The following MELK variants were observed in gnomAD, a reference collection of about 807,000 sequenced individuals.
MELK encodes maternal embryonic leucine zipper kinase.
MELK carries 81 observed loss-of-function variants against 85.0 expected under a neutral mutation model. The ratio of observed to expected loss-of-function variants is 0.95; its 90% CI spans 0.80 to 1.15. The LOEUF (loss-of-function observed/expected upper bound fraction) is 1.15, where lower values mean the gene tolerates loss of function less well. Among genes scored for constraint, MELK ranks in the 50% most tolerant of loss-of-function variants. The pLI, the probability that MELK is intolerant of heterozygous loss-of-function variation, is 0.00. For missense variants in MELK, 754 were observed against 777.5 expected (o/e 0.97, Z 0.36); for synonymous variants, 252 against 265.0 (o/e 0.95, Z 0.48).
At chr9:36,640,141 G>A (rs1829626751) in intron 10 of MELK, among the ~76,000 whole-genome samples, 1 of 152,222 alleles carries the variant, frequency 6.6e-6, no homozygotes, top group Non-Finnish European at 1.5e-5. Flanking sequence ...AGTCAATAAT[G>A]CAAGGCTCTC....
rs574216292 is a variant in MELK, at chr9:36,581,511, T to C, written c.-38-133T>C. The C allele has an allele frequency of 4.2e-5, 22 of 518,270 alleles. No individual in the cohort carries two copies. The East Asian group carries it at 6.7e-4, about 16-fold the overall frequency. The allele number at this position is 518,270 out of a possible 1,614,324, so 32.1% of individuals were successfully genotyped here. A position where few individuals can be genotyped will look rare whatever the true frequency, so the allele number is the denominator to read the frequency against. On this transcript the variant is annotated intron_variant, in intron 1 of 17. Transcript: ENST00000298048. ...TATGGTGTGAGATAAGAATCCTTTT[T>C]TTCATATGGCCAATAATCAGTTTTT... is the stretch of plus-strand genomic sequence containing the variant.
chr9:36,584,038 C>T (rs2135091628), intron 3 of MELK, among the ~76,000 whole-genome samples: 1 of 152,208 alleles, frequency 6.6e-6, no homozygotes, highest in African/African-American at 2.4e-5. Flanking sequence ...CGGAGTCTCG[C>T]TCTGTCGCCC....
At chr9:36,630,948 C>T (rs1261117986) in intron 9 of MELK, among the ~76,000 whole-genome samples, 1 of 149,456 alleles carries the variant, frequency 6.7e-6, no homozygotes, top group Non-Finnish European at 1.5e-5. Flanking sequence ...GCCTCTACAC[C>T]TGGCCCCAGC....
chr9:36,645,256 C>CAAA (rs398046556), intron 11 of MELK, among the ~76,000 whole-genome samples: 16 of 60,738 alleles, frequency 2.6e-4, no homozygotes, highest in Admixed American at 6.9e-4. Flanking sequence ...GACTCCGTCT[C>CAAA]AAAAAAAAAA....
intron 8 of MELK, among the ~76,000 whole-genome samples, chr9:36,614,679 C>T (rs1826399846): frequency 9.1e-6 from 1 of 110,298 alleles, no homozygotes; most frequent in Non-Finnish European, 1.8e-5. Context: ...TTTAACAAAG[C>T]ACATCTTGCA....
intron 2 of MELK, 130 bp from the exon 3 acceptor site, chr9:36,583,496 GC>G (rs1179573419): frequency 2.2e-6 from 1 of 447,370 alleles, no homozygotes; most frequent in East Asian, 3.4e-5. Context: ...ATAACAAGCA[GC>G]AACAGGAAAA....
chr9:36,656,754 A>G (rs772423008), intron 12 of MELK, among the ~76,000 whole-genome samples: 1 of 152,006 alleles, frequency 6.6e-6, no homozygotes, highest in Non-Finnish European at 1.5e-5. Flanking sequence ...AAGCCTCCCA[A>G]GTACCTGGGC....
At chr9:36,668,413 G>A (rs1297454458) in intron 14 of MELK, among the ~76,000 whole-genome samples, 14 of 152,092 alleles carry the variant, frequency 9.2e-5, no homozygotes, top group African/African-American at 2.4e-4. Context: ...AACCAGATTC[G>A]TTAGTACAAA....
chr9:36,677,106 C>A, intron 17 of MELK, 54 bp from the exon 18 acceptor site: 1 of 1,515,862 alleles, frequency 6.6e-7, no homozygotes, highest in Non-Finnish European at 9.0e-7. Context: ...TTAGAAAACT[C>A]TTATACAGAA....
chr9:36,652,655 G>A (rs1047047215), intron 12 of MELK, among the ~76,000 whole-genome samples: 182 of 148,986 alleles, frequency 1.2e-3, no homozygotes, highest in African/African-American at 1.9e-3. Context: ...GCTTGAACCC[G>A]AGAGGCGGAG....
chr9:36,633,857 A>C (rs2151643), intron 10 of MELK, among the ~76,000 whole-genome samples: 19 of 152,204 alleles, frequency 1.2e-4, no homozygotes, highest in African/African-American at 4.3e-4. Context: ...AAGGAATAAA[A>C]TGCAGCCTCA....
intron 8 of MELK, among the ~76,000 whole-genome samples, chr9:36,629,566 A>G (rs1828310265): frequency 6.6e-6 from 1 of 152,214 alleles, no homozygotes; most frequent in South Asian, 2.1e-4. Context: ...GTTTTTAACC[A>G]TAGCCTATGT....
chr9:36,625,269 C>A (rs1367244747), intron 8 of MELK, among the ~76,000 whole-genome samples: 1 of 152,174 alleles, frequency 6.6e-6, no homozygotes, highest in African/African-American at 2.4e-5. Context: ...CTGATCTCCA[C>A]TCTCTATGGG....
chr9:36,607,256 C>T (rs1825647870), intron 7 of MELK, among the ~76,000 whole-genome samples: 1 of 152,052 alleles, frequency 6.6e-6, no homozygotes, highest in East Asian at 1.9e-4. Flanking sequence ...GTAGAATTGT[C>T]TCATCTTCTT....
intron 8 of MELK, among the ~76,000 whole-genome samples, chr9:36,615,420 G>A (rs1469488633): frequency 3.5e-4 from 48 of 135,548 alleles, no homozygotes; most frequent in Admixed American, 1.2e-3. Flanking sequence ...CCTCCCGGAC[G>A]GCACGGCTGG....
At chr9:36,593,546 G>T (rs1003310170) in intron 4 of MELK, among the ~76,000 whole-genome samples, 1 of 152,182 alleles carries the variant, frequency 6.6e-6, no homozygotes, top group Non-Finnish European at 1.5e-5. Context: ...CATTTCTGTT[G>T]TTTATAAATT....
chr9:36,615,678 G>C (rs1490157477), intron 8 of MELK, among the ~76,000 whole-genome samples: 2 of 142,954 alleles, frequency 1.4e-5, no homozygotes, highest in African/African-American at 5.5e-5. Context: ...TCCCAGACGG[G>C]GTCTCGGCCG....
At chr9:36,624,807 T>C (rs2136302032) in intron 8 of MELK, among the ~76,000 whole-genome samples, 1 of 152,336 alleles carries the variant, frequency 6.6e-6, no homozygotes, top group African/African-American at 2.4e-5. Flanking sequence ...ATTATGATAG[T>C]TTCAGAATTT....
rs560064127 is a variant in MELK, at chr9:36,635,013, C to T, written c.834+1813C>T. ...ATTCAGTCATACAGGTGCTTTTCCTCGAGACAGCTATCAAACTTTGGTATT... is the reference window on the plus strand; with the variant it reads ...ATTCAGTCATACAGGTGCTTTTCCTTGAGACAGCTATCAAACTTTGGTATT... On this transcript the variant is annotated intron_variant, in intron 10 of 17. Transcript: ENST00000298048. Among the ~76,000 whole-genome samples the T allele has an allele frequency of 6.6e-5, 10 of 152,146 alleles. No homozygotes were observed. The South Asian group carries it at 1.5e-3, about 22-fold the overall frequency.
Sources: allele counts gnomAD v4.1 joint callset (sites outside exome capture counted in the v4.1 genomes callset), GRCh38; gene constraint gnomAD v4.1.1; transcripts MANE v1.5; gene names NCBI Gene and HGNC (gene_info 2026-07-23, HGNC 2026-07-21).